The following SLC37A3 variants were observed in gnomAD, a reference collection of about 807,000 sequenced individuals.
SLC37A3 encodes sugar phosphate exchanger 3.
SLC37A3 carries 51 observed loss-of-function variants against 67.1 expected under a neutral mutation model. The ratio of observed to expected loss-of-function variants is 0.76; its 90% CI spans 0.61 to 0.96. The LOEUF (loss-of-function observed/expected upper bound fraction) is 0.96, where lower values mean the gene tolerates loss of function less well. SLC37A3 is among the 40% of genes least tolerant of loss of function. SLC37A3 has a pLI of 0.00. For missense variants in SLC37A3, 508 were observed against 603.0 expected, an observed-to-expected ratio of 0.84 and a Z score of 1.65; for synonymous variants, 214 against 231.4, an observed-to-expected ratio of 0.92 and a Z score of 0.68.
chr7:140,343,380 C>T, intron 13 of SLC37A3, 32 bp downstream of exon 13: 1 of 1,612,200 alleles, frequency 6.2e-7, no homozygotes, highest in African/African-American at 1.3e-5. Context: ...AGGGAAGACA[C>T]TAGAATCCCA....
Position 140,380,285 on chromosome 7 carries a change from C to T in SLC37A3, c.195G>A (p.Val65=). ...SAFNTSVELP[V]EIWSSNHLFP... ...CCCAGCACTCTGTTCTGCTTACCTC[C>T]ACAGGCAGCTCAACTGACGTGTTAA... The change falls in exon 3 of 15, where the codon GTG becomes GTA. Residue 65 remains valine, a synonymous_variant. Coordinates refer to ENST00000326232, the MANE Select transcript of SLC37A3 (RefSeq NM_207113.3). The T allele has an allele frequency of 6.2e-7, 1 of 1,605,510 alleles. No homozygotes were observed. Among genetic ancestry groups the T allele is most frequent in the Non-Finnish European group, 8.5e-7 (1 of 1,172,430 alleles).
At chr7:140,364,310 G>A (rs1220601728) in intron 5 of SLC37A3, 98 bp downstream of exon 5, 1 of 1,123,922 alleles carries the variant, frequency 8.9e-7, no homozygotes, top group Non-Finnish European at 1.3e-6. Flanking sequence ...CGAACAATGA[G>A]GATTAATCTT....
intron 4 of SLC37A3, 51 bp downstream of exon 4, chr7:140,369,538 AT>A (rs1488832919): frequency 2.0e-6 from 3 of 1,497,494 alleles, no homozygotes; most frequent in Non-Finnish European, 2.8e-6. Flanking sequence ...GCTCAGGGTC[AT>A]TTATATTTAC....
rs760280101 is a variant in SLC37A3, at chr7:140,348,673, G to A, written c.977C>T (p.Ala326Val). The change falls in exon 10 of 15, where the codon GCG becomes GTG. Residue 326 changes from alanine (A) to valine (V), a missense_variant. Coordinates refer to ENST00000326232, the MANE Select transcript of SLC37A3 (RefSeq NM_207113.3). ...YLSNNFGWKE[A>V]EADKLSIWYD... ...CCAAATGGACAGCTTGTCGGCTTCC[G>A]CCTCCTTCCAGCCGAAGTTGTTACT... 1.5e-5 allele frequency: 24 copies of A among 1,613,872 alleles called. No individual in the cohort carries two copies. The highest frequency in any genetic ancestry group is 2.0e-5 in the Non-Finnish European group (24 of 1,180,012).
Position 140,335,018 on chromosome 7 carries a change from A to G in SLC37A3, c.*394T>C, listed in dbSNP as rs927916985. On this transcript the variant is annotated 3_prime_UTR_variant, in exon 15 of 15. Coordinates refer to ENST00000326232, the MANE Select transcript of SLC37A3 (RefSeq NM_207113.3). ...CTTCCATTTGTGGAACATACCACCA[A>G]CACAAACCACGCGTGGCTTTGCCTC... The G allele has an allele frequency of 2.3e-5, 12 of 521,168 alleles. No individual in the cohort carries two copies. Among genetic ancestry groups the G allele is most frequent in the African/African-American group, 3.8e-5 (2 of 52,280 alleles). The allele number at this position is 521,168 out of a possible 1,614,324, so 32.3% of individuals were successfully genotyped here.
At chr7:140,353,358 C>CT (rs1375952859) in intron 7 of SLC37A3, among the ~76,000 whole-genome samples, 1 of 151,916 alleles carries the variant, frequency 6.6e-6, no homozygotes, top group Non-Finnish European at 1.5e-5. Context: ...TGGCGTACAC[C>CT]TGTAATCCCA....
intron 2 of SLC37A3, among the ~76,000 whole-genome samples, chr7:140,382,118 C>T (rs1324779622): frequency 6.6e-6 from 1 of 150,766 alleles, no homozygotes; most frequent in East Asian, 1.9e-4. Flanking sequence ...TTGACATTTG[C>T]AGATGAAACG....
chr7:140,373,391 A>C (rs1239933626), intron 3 of SLC37A3, among the ~76,000 whole-genome samples: 1 of 152,196 alleles, frequency 6.6e-6, no homozygotes, highest in Non-Finnish European at 1.5e-5. Context: ...CTTGGCATCT[A>C]TTTCCTCAAA....
chr7:140,391,971 T>TA (rs1798742309), intron 1 of SLC37A3, among the ~76,000 whole-genome samples: 1 of 152,218 alleles, frequency 6.6e-6, no homozygotes, highest in Admixed American at 6.5e-5. Context: ...CCTTCTCTAA[T>TA]AAATCTGCCT....
intron 13 of SLC37A3, among the ~76,000 whole-genome samples, chr7:140,341,702 G>A (rs918814689): frequency 2.0e-5 from 3 of 152,216 alleles, no homozygotes; most frequent in Admixed American, 2.0e-4. Context: ...AGTTCACAGT[G>A]AGGGATCTGG....
At chr7:140,353,708 CTGTTT>C (rs890494615) in intron 7 of SLC37A3, among the ~76,000 whole-genome samples, 22 of 151,776 alleles carry the variant, frequency 1.4e-4, no homozygotes, top group South Asian at 8.3e-4. Flanking sequence ...ACTTAGCACA[CTGTTT>C]TGTTTTGTTT....
chr7:140,352,403 C>T (rs1284232111), intron 7 of SLC37A3, among the ~76,000 whole-genome samples: 1 of 152,164 alleles, frequency 6.6e-6, no homozygotes, highest in African/African-American at 2.4e-5. Context: ...CTAAGTGGTA[C>T]TGTTATGATT....
At chr7:140,387,810 A>AT (rs1798553251) in intron 1 of SLC37A3, among the ~76,000 whole-genome samples, 2 of 196 alleles carry the variant, frequency 0.01, no homozygotes, top group East Asian at 0.25. Context: ...ATTATACATA[A>AT]ATATAAATAT....
chr7:140,348,088 G>T (rs1796639453), intron 10 of SLC37A3, among the ~76,000 whole-genome samples: 3 of 152,250 alleles, frequency 2.0e-5, no homozygotes, highest in Non-Finnish European at 2.9e-5. Context: ...TATATGAATG[G>T]TCTCTCTGAA....
At chr7:140,387,071 TAATA>T (rs1798482942) in intron 1 of SLC37A3, among the ~76,000 whole-genome samples, 1 of 152,208 alleles carries the variant, frequency 6.6e-6, no homozygotes, top group Non-Finnish European at 1.5e-5. Context: ...TCAAGCTAGT[TAATA>T]AATCCATTAC....
At position 140,358,113 on chromosome 7, in the gene SLC37A3, A is replaced by T. The variant is rs544421594; in HGVS notation, c.521+527T>A. On this transcript the variant is annotated intron_variant, in intron 6 of 14. Transcript: ENST00000326232. ...AAAAAAAAGCTCCTTGAAGGTTTAG[A>T]GGGAAAAAATACCCCATTTGATCAA... is the stretch of plus-strand genomic sequence containing the variant. 2.6e-5 allele frequency among the ~76,000 whole-genome samples: 4 copies of T among 152,212 alleles called. No individual in the cohort carries two copies. In the South Asian group the frequency reaches 8.3e-4, roughly 32 times the overall value.
rs1796667781 is a variant in SLC37A3 at position 140,348,558 on chromosome 7, T to G, written c.1024+68A>C. 17 of 1,516,306 alleles carry G rather than the reference T, an allele frequency of 1.1e-5. No individual in the cohort carries two copies. In the Admixed American group the frequency reaches 3.9e-4, roughly 35 times the overall value. The allele number at this position is 1,516,306 out of a possible 1,614,324, so 93.9% of individuals were successfully genotyped here. ...AATAAAACTTTAAATGAGGCCAGAT[T>G]TCACAACCCAGTAAAAGATCACTAG... On this transcript the variant is annotated intron_variant, in intron 10 of 14. Coordinates refer to ENST00000326232, the MANE Select transcript of SLC37A3 (RefSeq NM_207113.3).
intron 2 of SLC37A3, 91 bp downstream of exon 2, chr7:140,382,347 G>GA (rs1798290618): frequency 1.0e-6 from 1 of 986,748 alleles, no homozygotes; most frequent in African/African-American, 1.6e-5. Context: ...ATAAGTGTAT[G>GA]CCCATCAGTG....
chr7:140,355,203 CT>C (rs36028664), intron 7 of SLC37A3, among the ~76,000 whole-genome samples: 61,908 of 148,566 alleles, frequency 0.42, 12,988 homozygotes, highest in Non-Finnish European at 0.47. Context: ...AGTTTGTCTA[CT>C]TTTTTTTTTT....
Sources: gnomAD v4.1 joint callset for allele counts (sites outside exome capture counted in the v4.1 genomes callset) on GRCh38, gnomAD v4.1.1 for gene constraint, MANE v1.5 for transcripts, NCBI Gene and HGNC (gene_info 2026-07-23, HGNC 2026-07-21) for gene names.